The following RBM33 variants were observed in gnomAD, a reference collection of about 807,000 sequenced individuals.
RBM33 encodes the protein RNA-binding protein 33.
RBM33 carries 28 observed loss-of-function variants against 132.6 expected under a neutral mutation model. The ratio of observed to expected loss-of-function variants is 0.21; its 90% CI spans 0.16 to 0.29. RBM33 has a LOEUF of 0.29. Ranked by LOEUF, RBM33 falls within the 10% of genes least tolerant of loss-of-function variation. The pLI is 1.00. For synonymous variants in RBM33, 634 were observed against 593.0 expected (o/e 1.07, Z -1.01); for missense variants, 1,291 against 1,518.5 (o/e 0.85, Z 2.49).
intron 3 of RBM33, among the ~76,000 whole-genome samples, chr7:155,673,320 A>G (rs1363849095): frequency 6.6e-6 from 1 of 152,090 alleles, no homozygotes. Context: ...AAACATTAAA[A>G]TAAATAAAAG....
chr7:155,689,306 A>C (rs1799565894), intron 5 of RBM33, among the ~76,000 whole-genome samples: 1 of 151,922 alleles, frequency 6.6e-6, no homozygotes, highest in South Asian at 2.1e-4. Context: ...TTTCTGTGGG[A>C]TCGGTGGTGA....
Position 155,711,211 on chromosome 7 carries a change from TCCCCCTCCA to T in RBM33, c.960_968del (p.Pro325_Pro327del). 1.3e-6 allele frequency: 2 copies of T among 1,556,030 alleles called. No homozygotes were observed. Among genetic ancestry groups the T allele is most frequent in the Non-Finnish European group, 1.7e-6 (2 of 1,150,982 alleles). On this transcript the variant is annotated inframe_deletion, in exon 8 of 18. Transcript: ENST00000401878. ...GGTTAATTCCTCCACAGCCCCAGGC[TCCCCCTCCA>T]CCGCCACCGCCGCCTCAGCAGCAGC... is the stretch of plus-strand genomic sequence containing the variant.
intron 9 of RBM33, among the ~76,000 whole-genome samples, chr7:155,724,483 G>A (rs556783557): frequency 1.1e-4 from 17 of 152,178 alleles, no homozygotes; most frequent in Non-Finnish European, 5.9e-5. Flanking sequence ...AGCTGAGATC[G>A]TGCCACTGCT....
At chr7:155,677,538 G>C (rs1201292784) in intron 3 of RBM33, among the ~76,000 whole-genome samples, 1 of 152,122 alleles carries the variant, frequency 6.6e-6, no homozygotes, top group East Asian at 1.9e-4. Flanking sequence ...CAGTTAAGCA[G>C]TCCGTTTTGT....
rs73734194 is a variant in RBM33 at position 155,680,579 on chromosome 7, G to T, written c.249-11G>T. 3,652 of 1,501,136 alleles carry T rather than the reference G, an allele frequency of 2.4e-3. 77 individuals carry two copies. The African/African-American group carries it at 0.046, about 19-fold the overall frequency. The allele number at this position is 1,501,136 out of a possible 1,614,324, so 93.0% of individuals were successfully genotyped here. On this transcript the variant is annotated splice_polypyrimidine_tract_variant and intron_variant, in intron 4 of 17. Transcript: ENST00000401878. ...TTGGGTGCTTTTTTTTTTTATTTTC[G>T]TCCTCTCTAGTTCTCAGGGTGTTAC...
Position 155,745,694 on chromosome 7 carries a change from A to G in RBM33, c.2979+92A>G, listed in dbSNP as rs1031613865. ...GAGAATGTTTTTGAAGAAAGAATTA[A>G]AAGTTACCTCTGTTATAGTCTTGTA... On this transcript the variant is annotated intron_variant, in intron 14 of 17. Coordinates refer to ENST00000401878, the MANE Select transcript of RBM33 (RefSeq NM_053043.3). The surrounding 1 kb of genome is among the most constrained non-coding windows in gnomAD (Gnocchi z 4.1). 4 of 1,245,656 alleles carry G rather than the reference A, an allele frequency of 3.2e-6. No individual in the cohort carries two copies. The highest frequency in any genetic ancestry group is 4.4e-6 in the Non-Finnish European group (4 of 912,336). 77.2% of individuals were successfully genotyped at this position (1,245,656 alleles called of 1,614,324 possible).
chr7:155,741,872 T>C lies in RBM33; in HGVS notation c.2103T>C (p.Thr701=). 6.2e-7 allele frequency: 1 copy of C among 1,614,044 alleles called. No individual in the cohort carries two copies. The highest frequency in any genetic ancestry group is 8.5e-7 in the Non-Finnish European group (1 of 1,179,884). Residue 701 remains threonine (T), a synonymous_variant, in exon 13 of 18, where the codon ACT becomes ACC. Transcript: ENST00000401878. ...GGCCCATGCAGCAAATGCAGCCCACTGCGCCAAGGAACAGCAATTTGCGTG... is the reference window on the plus strand; with the variant it reads ...GGCCCATGCAGCAAATGCAGCCCACCGCGCCAAGGAACAGCAATTTGCGTG... The part of the protein sequence containing the change: ...SKRPMQQMQP[T]APRNSNLREL...
In RBM33 at chr7:155,738,043, G is replaced by T. The variant is rs1406334120; in HGVS notation, c.1394-17G>T. 1 of 1,600,194 alleles carries T rather than the reference G, an allele frequency of 6.2e-7. No individual in the cohort carries two copies. The highest frequency in any genetic ancestry group is 1.3e-5 in the African/African-American group (1 of 74,704). ...GTCTTTTTAACCTGAAGTTAATGAT[G>T]TTGTGTTACCTTTCAGTTTCAGGTG... is the stretch of plus-strand genomic sequence containing the variant. On this transcript the variant is annotated splice_polypyrimidine_tract_variant and intron_variant, in intron 10 of 17. Coordinates refer to ENST00000401878, the MANE Select transcript of RBM33 (RefSeq NM_053043.3).
chr7:155,731,410 G>T (rs1800953798), intron 9 of RBM33, among the ~76,000 whole-genome samples: 1 of 152,212 alleles, frequency 6.6e-6, no homozygotes, highest in Admixed American at 6.5e-5. Context: ...AACAGCAATA[G>T]CTAATCATAC....
intron 8 of RBM33, among the ~76,000 whole-genome samples, chr7:155,713,727 A>G (rs146234816): frequency 1.3e-5 from 2 of 152,338 alleles, no homozygotes; most frequent in Non-Finnish European, 2.9e-5. Context: ...TTGGATGATA[A>G]TTGATGGGAG....
intron 1 of RBM33, among the ~76,000 whole-genome samples, chr7:155,657,594 A>C (rs913962941): frequency 5.3e-5 from 8 of 152,174 alleles, no homozygotes; most frequent in African/African-American, 1.9e-4. Flanking sequence ...TACAGCTTCA[A>C]ATTTCTGACC....
intron 2 of RBM33, among the ~76,000 whole-genome samples, chr7:155,667,958 T>C (rs926125108): frequency 2.0e-5 from 3 of 152,144 alleles, no homozygotes; most frequent in Admixed American, 6.5e-5. Context: ...ATCCATACTC[T>C]CTGCAGCCCC....
chr7:155,708,593 A>T (rs1023617922), intron 7 of RBM33, among the ~76,000 whole-genome samples: 10 of 152,188 alleles, frequency 6.6e-5, no homozygotes, highest in African/African-American at 2.4e-4. Context: ...AATGTCATGG[A>T]TATTCAGTTG....
At chr7:155,716,817 A>G (rs1800476080) in intron 8 of RBM33, among the ~76,000 whole-genome samples, 2 of 152,110 alleles carry the variant, frequency 1.3e-5, no homozygotes, top group East Asian at 1.9e-4. Flanking sequence ...GACCCACTCT[A>G]ATTTTGAAAT....
At chr7:155,736,325 AGTT>A (rs1354060376) in intron 9 of RBM33, among the ~76,000 whole-genome samples, 7 of 152,256 alleles carry the variant, frequency 4.6e-5, no homozygotes, top group African/African-American at 1.7e-4. Context: ...GATACTTAAA[AGTT>A]GTGAAATATT....
At chr7:155,762,796 A>G (rs1802078571) in intron 14 of RBM33, among the ~76,000 whole-genome samples, 1 of 152,164 alleles carries the variant, frequency 6.6e-6, no homozygotes, top group African/African-American at 2.4e-5. Flanking sequence ...AGGGTTTACT[A>G]TCCCGTGACT....
At chr7:155,690,914 T>C (rs1047451938) in intron 5 of RBM33, among the ~76,000 whole-genome samples, 2 of 152,202 alleles carry the variant, frequency 1.3e-5, no homozygotes, top group African/African-American at 4.8e-5. Flanking sequence ...TTTCCTTCAT[T>C]TCAACTTTGG....
At chr7:155,674,571 T>C (rs1212911709) in intron 3 of RBM33, among the ~76,000 whole-genome samples, 2 of 152,218 alleles carry the variant, frequency 1.3e-5, no homozygotes, top group African/African-American at 4.8e-5. Context: ...ATAATTCCCT[T>C]TTGATTTACA....
rs969505773 is a variant in RBM33 at position 155,644,804 on chromosome 7, G to A, written c.-73G>A. On this transcript the variant is annotated 5_prime_UTR_variant, in exon 1 of 18. Transcript: ENST00000401878. ...TCTCTGTCCTCCGTCACCCGTACCC[G>A]GGCCCGGACCAGGCACGTCGGCCCA... The A allele has an allele frequency of 3.1e-6, 4 of 1,288,502 alleles. No individual in the cohort carries two copies. Among genetic ancestry groups the A allele is most frequent in the Non-Finnish European group, 4.1e-6 (4 of 977,876 alleles). 79.8% of individuals were successfully genotyped at this position (1,288,502 alleles called of 1,614,324 possible).
Sources: gnomAD v4.1 joint callset for allele counts (sites outside exome capture counted in the v4.1 genomes callset) on GRCh38, gnomAD v4.1.1 for gene constraint, Gnocchi (gnomAD v3.1) non-coding constraint, MANE v1.5 for transcripts, NCBI Gene and HGNC (gene_info 2026-07-23, HGNC 2026-07-21) for gene names.